The following HGF variants were observed in gnomAD, a reference collection of about 807,000 sequenced individuals.
The protein encoded by HGF is hepatocyte growth factor, also known as fibroblast-derived tumor cytotoxic factor.
In HGF, 39 loss-of-function variants were observed where a neutral mutation model predicts 111.6. The ratio of observed to expected loss-of-function variants is 0.35; its 90% CI spans 0.27 to 0.46. The LOEUF (loss-of-function observed/expected upper bound fraction) is 0.46. Ranked by LOEUF, HGF falls within the 20% of genes least tolerant of loss-of-function variation. HGF has a pLI of 1.00. For synonymous variants in HGF, 285 were observed against 294.8 expected, an observed-to-expected ratio of 0.97 and a Z score of 0.34; for missense variants, 735 against 910.5, an observed-to-expected ratio of 0.81 and a Z score of 2.48.
intron 4 of HGF, among the ~76,000 whole-genome samples, chr7:81,754,092 T>G (rs866221136): frequency 2.0e-5 from 3 of 151,978 alleles, no homozygotes; most frequent in Admixed American, 6.6e-5. Flanking sequence ...AAAGTTGATA[T>G]GGTAGAGTGG....
chr7:81,718,215 T>C (rs932100336), intron 10 of HGF, among the ~76,000 whole-genome samples: 1 of 152,202 alleles, frequency 6.6e-6, no homozygotes, highest in Non-Finnish European at 1.5e-5. Context: ...AAACTTGGAC[T>C]ATATTTCCAG....
intron 11 of HGF, among the ~76,000 whole-genome samples, chr7:81,713,420 G>A (rs569829812): frequency 1.0e-3 from 152 of 151,972 alleles, no homozygotes; most frequent in African/African-American, 3.5e-3. Context: ...CAGCTCCTTG[G>A]GAGGCTGAGG....
At chr7:81,737,960 C>G (rs1382371629) in intron 7 of HGF, among the ~76,000 whole-genome samples, 1 of 152,010 alleles carries the variant, frequency 6.6e-6, no homozygotes, top group Non-Finnish European at 1.5e-5. Context: ...TTGCCAGGCA[C>G]CTGTTGGAGT....
At chr7:81,743,573 C>T in intron 6 of HGF, 102 bp from the exon 7 acceptor site, 1 of 817,232 alleles carries the variant, frequency 1.2e-6, no homozygotes, top group East Asian at 2.4e-5. Flanking sequence ...CTACACCTAG[C>T]TGGGGAAAGA....
At position 81,743,136 on chromosome 7, in the gene HGF, A is replaced by G. The variant is rs2214826; in HGVS notation, c.865+217T>C. Among the ~76,000 whole-genome samples, 126,227 of 152,230 alleles carry G rather than the reference A, an allele frequency of 0.83. 52,918 individuals carry two copies. Among genetic ancestry groups the G allele is most frequent in the African/African-American group, 0.95 (39,436 of 41,554 alleles). The stretch of plus-strand genomic sequence containing the variant: ...CTTGCCATAAGTAAAAATGTTTTCT[A>G]TGGATGTGTGTATTTGCATATTTAT... On this transcript the variant is annotated intron_variant, in intron 7 of 17. Transcript: ENST00000222390.
At chr7:81,760,819 G>T (rs1789036376) in intron 2 of HGF, among the ~76,000 whole-genome samples, 1 of 151,688 alleles carries the variant, frequency 6.6e-6, no homozygotes, top group African/African-American at 2.4e-5. Context: ...TAAATTTGGA[G>T]AATAAATATA....
chr7:81,708,911 T>C (rs1789500759), intron 13 of HGF, among the ~76,000 whole-genome samples: 1 of 152,132 alleles, frequency 6.6e-6, no homozygotes, highest in African/African-American at 2.4e-5. Context: ...GGCATAAATA[T>C]TTATAAAATC....
At position 81,757,234 on chromosome 7, in the gene HGF, C is replaced by T. The variant is rs2116180101; in HGVS notation, c.437G>A (p.Gly146Asp). ...GGAACTCCAGGGCTGACATTTGATG[C>T]CACTCTTAGTGATAGATACTGTTCC... is the stretch of plus-strand genomic sequence containing the variant. ...YKGTVSITKS[G>D]IKCQPWSSMI... Residue 146 changes from glycine (G) to aspartate (D), a missense_variant, in exon 4 of 18, where the codon GGC becomes GAC. Physicochemically the swap from Gly to Asp is moderately conservative, Grantham distance 94. This residue lies in a region of HGF where 553 missense variants were observed against 685.6 expected (regional missense o/e 0.81). Coordinates refer to ENST00000222390, the MANE Select transcript of HGF (RefSeq NM_000601.6). 6.2e-7 allele frequency: 1 copy of T among 1,608,724 alleles called. No individual in the cohort carries two copies. The highest frequency in any genetic ancestry group is 8.5e-7 in the Non-Finnish European group (1 of 1,175,078).
At chr7:81,769,758 T>G (rs142897164) in intron 1 of HGF, 126 bp downstream of exon 1, 2 of 738,558 alleles carry the variant, frequency 2.7e-6, no homozygotes, top group African/African-American at 3.5e-5. Context: ...TAGAAACCTA[T>G]ACTACATACT....
At chr7:81,750,414 C>A (rs1050830986) in intron 5 of HGF, among the ~76,000 whole-genome samples, 2 of 152,064 alleles carry the variant, frequency 1.3e-5, no homozygotes, top group Non-Finnish European at 2.9e-5. Context: ...CCGCGGTGAC[C>A]AATAGCATCA....
At chr7:81,759,888 T>C (rs955104504) in intron 2 of HGF, among the ~76,000 whole-genome samples, 2 of 152,178 alleles carry the variant, frequency 1.3e-5, no homozygotes, top group African/African-American at 4.8e-5. Flanking sequence ...AAGTATTATA[T>C]TGGTTTTTTG....
At chr7:81,729,004 A>G (rs886536954) in intron 8 of HGF, among the ~76,000 whole-genome samples, 1 of 113,650 alleles carries the variant, frequency 8.8e-6, no homozygotes. Context: ...GAGAATGCAC[A>G]AAACAACTAT....
chr7:81,720,013 G>A (rs1323106653), intron 10 of HGF, among the ~76,000 whole-genome samples: 1 of 152,114 alleles, frequency 6.6e-6, no homozygotes, highest in Non-Finnish European at 1.5e-5. Context: ...ACTCTGGGAT[G>A]TTTATGAAAA....
chr7:81,734,978 C>T (rs1238438102), intron 7 of HGF, among the ~76,000 whole-genome samples: 1 of 152,030 alleles, frequency 6.6e-6, no homozygotes, highest in African/African-American at 2.4e-5. Context: ...TCAACCTAAC[C>T]CACTGCTTCT....
intron 9 of HGF, among the ~76,000 whole-genome samples, chr7:81,725,475 T>C (rs1789981630): frequency 6.6e-6 from 1 of 152,210 alleles, no homozygotes; most frequent in Non-Finnish European, 1.5e-5. Flanking sequence ...TTATAGCAAG[T>C]AAGATCTTCC....
At position 81,751,535 on chromosome 7, in the gene HGF, T is replaced by C. The variant is rs1245487090; in HGVS notation, c.625+585A>G. On this transcript the variant is annotated intron_variant, in intron 5 of 17. Transcript: ENST00000222390. ...TTCAAGACAGTTTGGTGGTCTCCAT[T>C]GCTTTGATCTCTTCAGATCCTATTC... is the stretch of plus-strand genomic sequence containing the variant. 3.0e-6 allele frequency: 3 copies of C among 985,872 alleles called. No homozygotes were observed. In the African/African-American group the frequency reaches 5.2e-5, roughly 17 times the overall value. 61.1% of individuals were successfully genotyped at this position (985,872 alleles called of 1,614,324 possible). A position where few individuals can be genotyped will look rare whatever the true frequency, so the allele number is the denominator to read the frequency against.
Position 81,769,949 on chromosome 7 carries a change from G to T in HGF, c.23C>A (p.Pro8Gln), listed in dbSNP as rs1241618037. The change falls in exon 1 of 18, where the codon CCA (proline) becomes CAA (glutamine). Residue 8 changes from proline to glutamine, a missense_variant. By Grantham distance (76) the Pro-to-Gln change is moderately conservative. Around this residue, in one of 3 missense-constraint regions of HGF, gnomAD observed 553 missense variants for 685.6 expected, o/e 0.81. Transcript: ENST00000222390. ...GAGGACATGCTGCAGCAGCAGGGCT[G>T]GCAGGAGTTTGGTCACCCACATGGT... MWVTKLLPALLLQHVLLH... is the reference protein window; with the variant it reads MWVTKLLQALLLQHVLLH... 10 of 1,560,340 alleles carry T rather than the reference G, an allele frequency of 6.4e-6. No homozygotes were observed. Among genetic ancestry groups the T allele is most frequent in the Non-Finnish European group, 8.7e-6 (10 of 1,151,712 alleles).
At chr7:81,731,204 T>C (rs1787641954) in intron 7 of HGF, among the ~76,000 whole-genome samples, 1 of 152,216 alleles carries the variant, frequency 6.6e-6, no homozygotes, top group African/African-American at 2.4e-5. Context: ...CCTTAATGAC[T>C]ACCCTAATTA....
intron 9 of HGF, among the ~76,000 whole-genome samples, chr7:81,722,678 G>A (rs1789895664): frequency 6.6e-6 from 1 of 150,650 alleles, no homozygotes; most frequent in African/African-American, 2.4e-5. Flanking sequence ...GCTGGGTGTG[G>A]TGGCGTGTGC....
Sources: allele counts gnomAD v4.1 joint callset (sites outside exome capture counted in the v4.1 genomes callset), GRCh38; gene constraint gnomAD v4.1.1; regional missense constraint gnomAD v4.1.1; transcripts MANE v1.5; gene names NCBI Gene and HGNC (gene_info 2026-07-23, HGNC 2026-07-21).